The following NKD1 variants were observed in gnomAD, a reference collection of about 807,000 sequenced individuals.
NKD1 encodes protein naked cuticle homolog 1.
A neutral mutation model predicts 56.0 loss-of-function variants in NKD1; 21 were observed. The ratio of observed to expected loss-of-function variants is 0.38; its 90% confidence interval spans 0.27 to 0.54. NKD1 has a LOEUF of 0.54. Ranked by LOEUF, NKD1 falls within the 20% of genes least tolerant of loss-of-function variation. NKD1 has a pLI of 0.82. For missense variants in NKD1, 578 were observed against 642.7 expected, an observed-to-expected ratio of 0.90 and a Z score of 1.09; for synonymous variants, 263 against 265.7, an observed-to-expected ratio of 0.99 and a Z score of 0.10.
chr16:50,560,823 C>CATCTATCTATCTATCT (rs150440223), intron 3 of NKD1, among the ~76,000 whole-genome samples: 30,353 of 148,434 alleles, frequency 0.2, 3,414 homozygotes, highest in South Asian at 0.24. Flanking sequence ...TACCCAAACC[C>CATCTATCTATCTATCT]ATCTATCTAT....
intron 3 of NKD1, among the ~76,000 whole-genome samples, chr16:50,582,150 A>G (rs1000086635): frequency 6.6e-6 from 1 of 152,198 alleles, no homozygotes; most frequent in African/African-American, 2.4e-5. Flanking sequence ...TGCCCGCCCA[A>G]GGATGTCTCA....
chr16:50,603,709 A>C, intron 3 of NKD1, among the ~76,000 whole-genome samples: 1 of 152,232 alleles, frequency 6.6e-6, no homozygotes, highest in Non-Finnish European at 1.5e-5. Flanking sequence ...ACCAAACTCC[A>C]GCTCGCTCCC....
At chr16:50,587,252 C>T (rs1333888241) in intron 3 of NKD1, among the ~76,000 whole-genome samples, 2 of 152,172 alleles carry the variant, frequency 1.3e-5, no homozygotes, top group Non-Finnish European at 2.9e-5. Flanking sequence ...TAGATGGGGC[C>T]TGAGACTCTG....
At chr16:50,572,803 C>T in intron 3 of NKD1, 1 of 793,016 alleles carries the variant, frequency 1.3e-6, no homozygotes, top group Non-Finnish European at 1.5e-6. Flanking sequence ...GATCCAAAGC[C>T]AGTTTCTTTC....
Position 50,632,345 on chromosome 16 carries a change from G to C in NKD1, c.760G>C (p.Glu254Gln), listed in dbSNP as rs1406813299. ...CCACCATTGCGTAGATGAGAACATCGAGAGGAGAAACCACTACTTAGATCT... is the reference window on the plus strand; with the variant it reads ...CCACCATTGCGTAGATGAGAACATCCAGAGGAGAAACCACTACTTAGATCT... The part of the protein sequence containing the change: ...CYHHCVDENI[E>Q]RRNHYLDLAG... The change falls in exon 9 of 10, where the codon GAG becomes CAG. Residue 254 changes from glutamate (E) to glutamine (Q), a missense_variant. Coordinates refer to ENST00000268459, the MANE Select transcript of NKD1 (RefSeq NM_033119.5). This position sits in a 1 kb window ranked among gnomAD's most constrained non-coding sequence, Gnocchi z 4.1. The C allele has an allele frequency of 6.2e-7, 1 of 1,614,112 alleles. No individual in the cohort carries two copies. The highest frequency in any genetic ancestry group is 8.5e-7 in the Non-Finnish European group (1 of 1,179,984).
intron 6 of NKD1, among the ~76,000 whole-genome samples, chr16:50,626,919 G>C (rs1962232005): frequency 1.3e-5 from 2 of 152,156 alleles, no homozygotes; most frequent in South Asian, 4.2e-4. Context: ...AAGCTTTGCT[G>C]ACTGGTCTCC....
rs981220675 is a variant in NKD1 at position 50,632,810 on chromosome 16, C to T, written c.824-382C>T. On this transcript the variant is annotated intron_variant, in intron 9 of 9. Coordinates refer to ENST00000268459, the MANE Select transcript of NKD1 (RefSeq NM_033119.5). This position sits in a 1 kb window ranked among gnomAD's most constrained non-coding sequence, Gnocchi z 4.1. ...TATGTTGACCTCTTGCTCAATTTCA[C>T]TCCCACAACTCCCTTCTCCCCTTTC... 6.6e-6 allele frequency among the ~76,000 whole-genome samples: 1 copy of T among 152,184 alleles called. No homozygotes were observed. Among genetic ancestry groups the T allele is most frequent in the Non-Finnish European group, 1.5e-5 (1 of 68,038 alleles).
At chr16:50,586,414 T>A (rs2151270605) in intron 3 of NKD1, among the ~76,000 whole-genome samples, 1 of 151,982 alleles carries the variant, frequency 6.6e-6, no homozygotes, top group Non-Finnish European at 1.5e-5. Context: ...CTACCTCCCC[T>A]CCCATCTCCA....
At chr16:50,584,913 A>G (rs369495935) in intron 3 of NKD1, among the ~76,000 whole-genome samples, 136 of 152,244 alleles carry the variant, frequency 8.9e-4, no homozygotes, top group African/African-American at 3.2e-3. Context: ...GTAGATCGTA[A>G]TGAGGCCCAG....
At chr16:50,605,569 T>C (rs969198670) in intron 3 of NKD1, among the ~76,000 whole-genome samples, 1 of 152,198 alleles carries the variant, frequency 6.6e-6, no homozygotes, top group Non-Finnish European at 1.5e-5. Flanking sequence ...CATACAGACT[T>C]TTCTTGTCCT....
At chr16:50,610,776 C>T (rs1961829206) in intron 4 of NKD1, among the ~76,000 whole-genome samples, 1 of 152,230 alleles carries the variant, frequency 6.6e-6, no homozygotes, top group South Asian at 2.1e-4. Flanking sequence ...TCTTAACCGC[C>T]TTAACTGGCC....
chr16:50,548,965 T>C, intron 2 of NKD1: 1 of 917,612 alleles, frequency 1.1e-6, no homozygotes, highest in Non-Finnish European at 1.3e-6. Context: ...CCGCTGACCC[T>C]CAACCCCTCC....
chr16:50,615,562 C>G (rs750941338), intron 4 of NKD1, among the ~76,000 whole-genome samples: 4 of 152,012 alleles, frequency 2.6e-5, no homozygotes, highest in Non-Finnish European at 5.9e-5. Context: ...GGGATAACAG[C>G]GTGAGAGCAT....
intron 3 of NKD1, chr16:50,570,912 C>A (rs540809555): frequency 1.1e-5 from 11 of 985,286 alleles, no homozygotes; most frequent in Non-Finnish European, 1.3e-5. Context: ...TAGCCCCCAC[C>A]CCAGCCATAG....
At chr16:50,618,101 C>T (rs900028556) in intron 4 of NKD1, among the ~76,000 whole-genome samples, 1 of 152,152 alleles carries the variant, frequency 6.6e-6, no homozygotes, top group Non-Finnish European at 1.5e-5. Flanking sequence ...ACCTCCTGCT[C>T]TAAGTCACCC....
intron 4 of NKD1, among the ~76,000 whole-genome samples, chr16:50,613,922 A>T (rs1315361007): frequency 6.6e-6 from 1 of 152,176 alleles, no homozygotes; most frequent in Non-Finnish European, 1.5e-5. Context: ...GATGAGGAAA[A>T]AAAGGCCAGA....
intron 3 of NKD1, among the ~76,000 whole-genome samples, chr16:50,592,728 A>C (rs936350212): frequency 7.3e-5 from 11 of 150,104 alleles, no homozygotes; most frequent in African/African-American, 2.5e-4. Flanking sequence ...ATTAGGAGGC[A>C]GCGAGAAGCA....
chr16:50,602,191 G>A (rs933174136), intron 3 of NKD1, among the ~76,000 whole-genome samples: 10 of 152,188 alleles, frequency 6.6e-5, no homozygotes, highest in Non-Finnish European at 1.2e-4. Flanking sequence ...TAACAGGTCC[G>A]CAGGGGAGAG....
intron 4 of NKD1, among the ~76,000 whole-genome samples, chr16:50,610,833 C>T (rs1377407198): frequency 6.6e-6 from 1 of 152,166 alleles, no homozygotes; most frequent in Non-Finnish European, 1.5e-5. Context: ...CTTGGTGGGC[C>T]AGGGCTGCAG....
Sources: allele counts gnomAD v4.1 joint callset (sites outside exome capture counted in the v4.1 genomes callset), GRCh38; gene constraint gnomAD v4.1.1; non-coding constraint Gnocchi (gnomAD v3.1); transcripts MANE v1.5; gene names NCBI Gene and HGNC (gene_info 2026-07-23, HGNC 2026-07-21).